NEK1: variants seen among roughly 807,000 people sequenced by gnomAD.
NEK1 encodes the protein serine/threonine-protein kinase Nek1.
A neutral mutation model predicts 182.1 loss-of-function variants in NEK1; 137 were observed. That is an observed-to-expected ratio of 0.75 (90% confidence interval 0.65 to 0.87). The LOEUF (loss-of-function observed/expected upper bound fraction) is 0.87, where lower values mean the gene tolerates loss of function less well. NEK1 is among the 40% of genes least tolerant of loss of function. The pLI is 0.00. For synonymous variants in NEK1, 513 were observed against 492.2 expected (o/e 1.04, Z -0.56); for missense variants, 1,391 against 1,494.4 (o/e 0.93, Z 1.14).
chr4:169,497,482 TTTAA>T (rs1423382369), intron 23 of NEK1, among the ~76,000 whole-genome samples: 2 of 152,212 alleles, frequency 1.3e-5, no homozygotes, highest in Non-Finnish European at 2.9e-5. Flanking sequence ...CTCTAGTTCT[TTTAA>T]TTGTGATGTT....
chr4:169,427,799 G>GT (rs1045049565), intron 29 of NEK1, among the ~76,000 whole-genome samples: 3 of 151,412 alleles, frequency 2.0e-5, no homozygotes, highest in African/African-American at 7.3e-5. Context: ...TCCAGCCTCT[G>GT]TTTTTTATTT....
chr4:169,479,630 C>T (rs1404833946), intron 23 of NEK1, 96 bp from the exon 24 acceptor site: 9 of 1,005,246 alleles, frequency 9.0e-6, no homozygotes, highest in Non-Finnish European at 1.3e-5. Flanking sequence ...CCACTCTATC[C>T]ACAAGTAGTT....
chr4:169,610,740 T>C (rs1411640224), intron 2 of NEK1, among the ~76,000 whole-genome samples: 2 of 152,204 alleles, frequency 1.3e-5, no homozygotes, highest in Non-Finnish European at 2.9e-5. Flanking sequence ...AACACATACT[T>C]AGGTTAAGCA....
chr4:169,483,272 A>G (rs1454513141), intron 23 of NEK1, among the ~76,000 whole-genome samples: 1 of 152,230 alleles, frequency 6.6e-6, no homozygotes, highest in African/African-American at 2.4e-5. Context: ...GTGGTGCCTC[A>G]GAACAATTAC....
chr4:169,434,592 G>GT (rs1738053173), intron 28 of NEK1, among the ~76,000 whole-genome samples: 1 of 152,160 alleles, frequency 6.6e-6, no homozygotes, highest in Non-Finnish European at 1.5e-5. Context: ...TTTTCCAAAA[G>GT]TGAACAGCGA....
intron 31 of NEK1, among the ~76,000 whole-genome samples, chr4:169,423,323 G>A (rs566244545): frequency 6.6e-6 from 1 of 152,078 alleles, no homozygotes; most frequent in African/African-American, 2.4e-5. Context: ...GGCTGGTCTC[G>A]AGCTCCTGAG....
intron 26 of NEK1, among the ~76,000 whole-genome samples, chr4:169,475,710 A>C (rs1746819499): frequency 6.6e-6 from 1 of 152,148 alleles, no homozygotes; most frequent in African/African-American, 2.4e-5. Flanking sequence ...AAATTTTCAC[A>C]ACTGTATTCC....
intron 27 of NEK1, among the ~76,000 whole-genome samples, chr4:169,443,088 T>TATCTATCTA (rs1554033560): frequency 2.0e-5 from 3 of 150,232 alleles, no homozygotes. Context: ...TCTATCTATC[T>TATCTATCTA]ATCTATCTAT....
intron 22 of NEK1, 67 bp downstream of exon 22, chr4:169,507,648 A>C: frequency 8.6e-7 from 1 of 1,166,234 alleles, no homozygotes; most frequent in South Asian, 1.4e-5. Flanking sequence ...GCAAAACTTA[A>C]GAACACAATT....
intron 20 of NEK1, 34 bp from the exon 21 acceptor site, chr4:169,508,365 T>A: frequency 6.7e-7 from 1 of 1,496,736 alleles, no homozygotes; most frequent in South Asian, 1.3e-5. Context: ...CATAATAATG[T>A]AAAAGCAAAG....
chr4:169,590,025 G>A (rs1768179666), intron 6 of NEK1, among the ~76,000 whole-genome samples: 1 of 151,850 alleles, frequency 6.6e-6, no homozygotes, highest in African/African-American at 2.4e-5. Flanking sequence ...TAGGCAAAAG[G>A]GGCCAGGCGC....
chr4:169,402,071 C>T (rs1159316527), intron 32 of NEK1, among the ~76,000 whole-genome samples: 1 of 152,118 alleles, frequency 6.6e-6, no homozygotes, highest in African/African-American at 2.4e-5. Flanking sequence ...AAATATATCA[C>T]ACAACACATA....
chr4:169,550,896 G>A (rs541756567), intron 18 of NEK1, among the ~76,000 whole-genome samples: 22 of 152,294 alleles, frequency 1.4e-4, no homozygotes, highest in African/African-American at 5.3e-4. Flanking sequence ...GACATGGGCT[G>A]AGCCTATGCC....
chr4:169,590,694 A>G, intron 6 of NEK1, 32 bp downstream of exon 6: 1 of 1,484,142 alleles, frequency 6.7e-7, no homozygotes, highest in Non-Finnish European at 9.2e-7. Flanking sequence ...GTCTTTATCC[A>G]TTCAGAAGTT....
At chr4:169,417,738 A>G (rs536462432) in intron 31 of NEK1, among the ~76,000 whole-genome samples, 4 of 152,170 alleles carry the variant, frequency 2.6e-5, no homozygotes, top group Non-Finnish European at 5.9e-5. Context: ...ACAACTAGAA[A>G]ACTGGACAAA....
intron 12 of NEK1, among the ~76,000 whole-genome samples, chr4:169,574,827 C>T (rs948288871): frequency 6.6e-6 from 1 of 152,094 alleles, no homozygotes; most frequent in Non-Finnish European, 1.5e-5. Flanking sequence ...AAACAGCCAG[C>T]ATGTAAGACA....
At chr4:169,417,877 T>A (rs1296483258) in intron 31 of NEK1, among the ~76,000 whole-genome samples, 1 of 152,240 alleles carries the variant, frequency 6.6e-6, no homozygotes, top group South Asian at 2.1e-4. Flanking sequence ...ATCTGGACTT[T>A]GGGTGCAGCC....
intron 23 of NEK1, among the ~76,000 whole-genome samples, chr4:169,491,136 C>T (rs1270313698): frequency 2.2e-5 from 1 of 45,904 alleles, no homozygotes; most frequent in South Asian, 1.3e-3. Flanking sequence ...GACTCCATCT[C>T]AAAAAAAAAA....
intron 18 of NEK1, among the ~76,000 whole-genome samples, chr4:169,545,933 A>C (rs1760352578): frequency 6.6e-6 from 1 of 152,220 alleles, no homozygotes; most frequent in South Asian, 2.1e-4. Flanking sequence ...GATACAAACA[A>C]ATGGAAGAAC....
Sources: allele counts gnomAD v4.1 joint callset (sites outside exome capture counted in the v4.1 genomes callset), GRCh38; gene constraint gnomAD v4.1.1; transcripts MANE v1.5; gene names NCBI Gene and HGNC (gene_info 2026-07-23, HGNC 2026-07-21).